The following CYRIA variants were observed in gnomAD, a reference collection of about 807,000 sequenced individuals.
CYRIA encodes the protein CYFIP-related Rac1 interactor A.
In CYRIA, 15 loss-of-function variants were observed where a neutral mutation model predicts 43.9. That is an observed-to-expected ratio of 0.34 (90% CI 0.23 to 0.53). The LOEUF is 0.53. Ranked by LOEUF, CYRIA falls within the 20% of genes least tolerant of loss-of-function variation. The probability of loss-of-function intolerance (pLI) is 0.94; values close to 1 mark genes in which losing one functional copy is unlikely to be tolerated. For synonymous variants in CYRIA, 117 were observed against 136.0 expected, an observed-to-expected ratio of 0.86 and a Z score of 0.97; for missense variants, 236 against 394.2, an observed-to-expected ratio of 0.60 and a Z score of 3.40.
chr2:16,623,614 G>A (rs577445040), intron 2 of CYRIA, among the ~76,000 whole-genome samples: 1 of 152,106 alleles, frequency 6.6e-6, no homozygotes. Context: ...AAGGAACCTA[G>A]ATCTACAGCT....
intron 3 of CYRIA, among the ~76,000 whole-genome samples, chr2:16,572,330 AT>A (rs35157297): frequency 0.036 from 5,260 of 147,694 alleles, 99 homozygotes; most frequent in South Asian, 0.049. Context: ...CAAAAAATGA[AT>A]TTTTTTTTTT....
chr2:16,654,235 C>T (rs1352233686), intron 1 of CYRIA, among the ~76,000 whole-genome samples: 4 of 152,312 alleles, frequency 2.6e-5, no homozygotes, highest in Non-Finnish European at 5.9e-5. Context: ...CTTGGTTTTG[C>T]TCTCTATAAA....
intron 2 of CYRIA, among the ~76,000 whole-genome samples, chr2:16,592,471 C>T (rs1252821317): frequency 1.3e-5 from 2 of 152,094 alleles, no homozygotes; most frequent in African/African-American, 4.8e-5. Context: ...GCCTTTTACT[C>T]TTAGAGGCGC....
intron 2 of CYRIA, among the ~76,000 whole-genome samples, chr2:16,614,552 T>C (rs1668715964): frequency 6.6e-6 from 1 of 152,310 alleles, no homozygotes; most frequent in African/African-American, 2.4e-5. Context: ...CTGGAGAGCC[T>C]GCAAGCCTCC....
rs115094063 is a variant in CYRIA at position 16,591,791 on chromosome 2, T to G, written c.-10-3662A>C. Among the ~76,000 whole-genome samples the G allele has an allele frequency of 3.1e-3, 469 of 152,198 alleles. 2 individuals carry two copies. The highest frequency in any genetic ancestry group is 4.9e-3 in the Non-Finnish European group (332 of 67,984). On this transcript the variant is annotated intron_variant, in intron 2 of 11. Transcript: ENST00000381323. Reference sequence around the variant, plus strand: ...GCACTCTGAGCTCCCTAGGAGGACTTTAATCTGAGTATCTGAGTTTATTAC... The same window carrying G: ...GCACTCTGAGCTCCCTAGGAGGACTGTAATCTGAGTATCTGAGTTTATTAC...
chr2:16,628,959 G>T (rs1279216694), intron 1 of CYRIA, among the ~76,000 whole-genome samples: 2 of 152,180 alleles, frequency 1.3e-5, no homozygotes, highest in African/African-American at 4.8e-5. Flanking sequence ...TTCAAACAGT[G>T]TATTTTAAAA....
chr2:16,605,382 T>C (rs1668362585), intron 2 of CYRIA, among the ~76,000 whole-genome samples: 1 of 152,242 alleles, frequency 6.6e-6, no homozygotes, highest in Non-Finnish European at 1.5e-5. Flanking sequence ...CAAACTGGGC[T>C]CAGCTCCGGC....
intron 1 of CYRIA, among the ~76,000 whole-genome samples, chr2:16,649,758 T>C (rs538450573): frequency 1.3e-5 from 2 of 152,070 alleles, no homozygotes; most frequent in Non-Finnish European, 1.5e-5. Flanking sequence ...GGTTGTACAG[T>C]ACAGGGCATG....
intron 1 of CYRIA, among the ~76,000 whole-genome samples, chr2:16,636,918 G>A (rs1257896888): frequency 6.6e-6 from 1 of 152,200 alleles, no homozygotes; most frequent in Admixed American, 6.5e-5. Context: ...TGAGGCTGCA[G>A]TGAGCCATGA....
intron 1 of CYRIA, among the ~76,000 whole-genome samples, chr2:16,641,683 T>C (rs147017128): frequency 6.6e-6 from 1 of 152,232 alleles, no homozygotes; most frequent in African/African-American, 2.4e-5. Context: ...TGCTCACCAA[T>C]GTTGCATAAG....
chr2:16,602,155 C>A (rs1336550805), intron 2 of CYRIA, among the ~76,000 whole-genome samples: 1 of 152,202 alleles, frequency 6.6e-6, no homozygotes, highest in Admixed American at 6.5e-5. Context: ...TATTTTCTAA[C>A]ATTTTTTTAA....
At chr2:16,586,391 G>C (rs1197183171) in intron 3 of CYRIA, among the ~76,000 whole-genome samples, 1 of 152,092 alleles carries the variant, frequency 6.6e-6, no homozygotes, top group Admixed American at 6.6e-5. Context: ...ATGTGTGTGT[G>C]TGGTTTTTTT....
At chr2:16,640,768 G>A (rs1377984820) in intron 1 of CYRIA, among the ~76,000 whole-genome samples, 1 of 152,206 alleles carries the variant, frequency 6.6e-6, no homozygotes, top group African/African-American at 2.4e-5. Context: ...AGTGCAGGTA[G>A]AGAGTCCTGA....
intron 5 of CYRIA, 28 bp from the exon 6 acceptor site, chr2:16,562,169 G>A (rs372656752): frequency 9.4e-6 from 15 of 1,596,020 alleles, no homozygotes; most frequent in African/African-American, 1.4e-5. Context: ...AAATAGATAT[G>A]TTGGAGGTGG....
At chr2:16,615,596 C>T (rs976884166) in intron 2 of CYRIA, among the ~76,000 whole-genome samples, 1 of 152,198 alleles carries the variant, frequency 6.6e-6, no homozygotes, top group Non-Finnish European at 1.5e-5. Flanking sequence ...CAGCCTGTTT[C>T]TTCACCTGCA....
chr2:16,637,216 G>C (rs77404075), intron 1 of CYRIA, among the ~76,000 whole-genome samples: 6,161 of 152,208 alleles, frequency 0.04, 183 homozygotes, highest in Middle Eastern at 0.082. Context: ...TAACTTAAAA[G>C]TTGTAATATC....
chr2:16,612,859 G>A (rs1367632464), intron 2 of CYRIA, among the ~76,000 whole-genome samples: 2 of 152,190 alleles, frequency 1.3e-5, no homozygotes, highest in African/African-American at 4.8e-5. Context: ...CCGACATGTC[G>A]TGGGAGGGAC....
intron 2 of CYRIA, among the ~76,000 whole-genome samples, chr2:16,604,021 T>A (rs1668293017): frequency 6.6e-6 from 1 of 152,214 alleles, no homozygotes; most frequent in African/African-American, 2.4e-5. Flanking sequence ...GGGCTATGCC[T>A]TGTGTGGGGC....
At chr2:16,621,597 A>C (rs1668997697) in intron 2 of CYRIA, among the ~76,000 whole-genome samples, 1 of 152,172 alleles carries the variant, frequency 6.6e-6, no homozygotes, top group Non-Finnish European at 1.5e-5. Context: ...CAGGCTCCTC[A>C]TTCCTTCTGC....
Sources: allele counts gnomAD v4.1 joint callset (sites outside exome capture counted in the v4.1 genomes callset), GRCh38; gene constraint gnomAD v4.1.1; transcripts MANE v1.5; gene names NCBI Gene and HGNC (gene_info 2026-07-23, HGNC 2026-07-21).